DENND5B: variants seen among roughly 807,000 people sequenced by gnomAD.
The protein encoded by DENND5B is DENN domain containing 5B, also known as DENN domain-containing protein 5B.
A neutral mutation model predicts 140.6 loss-of-function variants in DENND5B; 34 were observed. That is an observed-to-expected ratio of 0.24 (90% CI 0.18 to 0.32). DENND5B has a LOEUF of 0.32. Among genes scored for constraint, DENND5B ranks in the 10% least tolerant of loss-of-function variants. DENND5B has a pLI of 1.00. For missense variants in DENND5B, 1,142 were observed against 1,560.2 expected (o/e 0.73, Z 4.52); for synonymous variants, 551 against 562.1 (o/e 0.98, Z 0.28).
Position 31,399,612 on chromosome 12 carries a change from C to A in DENND5B, c.3068+42G>T, listed in dbSNP as rs371689885. 9.8e-6 allele frequency: 15 copies of A among 1,522,974 alleles called. 1 individual carries two copies. The highest frequency in any genetic ancestry group is 1.3e-5 in the Non-Finnish European group (14 of 1,104,456). 94.3% of individuals were successfully genotyped at this position (1,522,974 alleles called of 1,614,324 possible). A position where few individuals can be genotyped will look rare whatever the true frequency, so the allele number is the denominator to read the frequency against. ...TTAAACCTTTTCTTACCTGAAGAGT[C>A]TTAAAACAAAGAATTCTGAGTTCCC... On this transcript the variant is annotated intron_variant, in intron 16 of 20. Transcript: ENST00000389082.
intron 1 of DENND5B, chr12:31,500,720 G>C (rs1234268883): frequency 2.4e-5 from 4 of 167,462 alleles, no homozygotes; most frequent in African/African-American, 4.9e-5. Flanking sequence ...CCCAACCACT[G>C]CATATTGATT....
At position 31,382,878 on chromosome 12, in the gene DENND5B, A is replaced by G. The variant is rs1239484116; in HGVS notation, c.*4725T>C. The G allele has an allele frequency of 6.6e-6, 1 of 152,182 alleles. No individual in the cohort carries two copies. Among genetic ancestry groups the G allele is most frequent in the East Asian group, 1.9e-4 (1 of 5,194 alleles). The allele number at this position is 152,182 out of a possible 1,614,324, so 9.4% of individuals were successfully genotyped here. A position where few individuals can be genotyped will look rare whatever the true frequency, so the allele number is the denominator to read the frequency against. ...AACCTCTTCAAAAAGCTTAGAATTCAGTTGATTCAAGGGATTTATAAATTT... is the reference window on the plus strand; with the variant it reads ...AACCTCTTCAAAAAGCTTAGAATTCGGTTGATTCAAGGGATTTATAAATTT... On this transcript the variant is annotated 3_prime_UTR_variant, in exon 21 of 21. Transcript: ENST00000389082.
intron 3 of DENND5B, among the ~76,000 whole-genome samples, chr12:31,468,235 C>T (rs1262576495): frequency 6.6e-6 from 1 of 152,130 alleles, no homozygotes; most frequent in Non-Finnish European, 1.5e-5. Flanking sequence ...GTCTGGGCAA[C>T]AGAGCAAGAC....
chr12:31,479,772 G>C lies in DENND5B; in HGVS notation c.721C>G (p.Pro241Ala). The change falls in exon 3 of 21, where the codon CCA (proline) becomes GCA (alanine). Residue 241 changes from proline to alanine, a missense_variant. By Grantham distance (27) the Pro-to-Ala change is conservative (BLOSUM62 -1). This residue lies in a region of DENND5B where 708 missense variants were observed against 905.5 expected (regional missense o/e 0.78). Transcript: ENST00000389082. ...NILYEVPLPP[P>A]GRSLKFYGVY... ...CCATAAAATTTCAGTGACCTCCCTG[G>C]AGGTGGAAGGGGTACTTCATAAAGA... The C allele has an allele frequency of 6.2e-7, 1 of 1,609,664 alleles. No homozygotes were observed. The highest frequency in any genetic ancestry group is 1.1e-5 in the South Asian group (1 of 90,178).
At chr12:31,389,960 CAT>C (rs1346816102) in intron 19 of DENND5B, among the ~76,000 whole-genome samples, 1 of 151,088 alleles carries the variant, frequency 6.6e-6, no homozygotes, top group African/African-American at 2.4e-5. Context: ...TGTATATACA[CAT>C]GAGAAGCAGA....
intron 3 of DENND5B, among the ~76,000 whole-genome samples, chr12:31,473,042 C>T (rs866608274): frequency 2.0e-5 from 3 of 152,132 alleles, no homozygotes; most frequent in African/African-American, 4.8e-5. Context: ...CAGGCTCAAG[C>T]GATCTCCCAC....
At chr12:31,438,242 G>C (rs1943865429) in intron 7 of DENND5B, among the ~76,000 whole-genome samples, 1 of 152,132 alleles carries the variant, frequency 6.6e-6, no homozygotes, top group Non-Finnish European at 1.5e-5. Context: ...CAAACTGCTG[G>C]GATTACAGGC....
intron 17 of DENND5B, among the ~76,000 whole-genome samples, chr12:31,395,762 A>T (rs2137321667): frequency 6.6e-6 from 1 of 152,182 alleles, no homozygotes; most frequent in East Asian, 1.9e-4. Flanking sequence ...GTTATAATCT[A>T]TAGATAAAAA....
chr12:31,405,727 T>G (rs1020673686), intron 14 of DENND5B, among the ~76,000 whole-genome samples: 14 of 151,956 alleles, frequency 9.2e-5, no homozygotes, highest in African/African-American at 3.4e-4. Flanking sequence ...TTTGTACTTT[T>G]AGCAGAGACG....
At chr12:31,578,126 CAAAAA>C (rs5797421) in intron 1 of DENND5B, among the ~76,000 whole-genome samples, 3 of 77,354 alleles carry the variant, frequency 3.9e-5, no homozygotes, top group African/African-American at 1.0e-4. Context: ...GACGCTGTCT[CAAAAA>C]AAAAAAAAAA....
Position 31,479,935 on chromosome 12 carries a change from C to T in DENND5B, c.558G>A (p.Leu186=), listed in dbSNP as rs1209790773. The T allele has an allele frequency of 6.2e-7, 1 of 1,613,966 alleles. No homozygotes were observed. The highest frequency in any genetic ancestry group is 1.7e-5 in the Admixed American group (1 of 60,024). The change falls in exon 3 of 21, where the codon CTG becomes CTA. Residue 186 remains leucine, a synonymous_variant. Coordinates refer to ENST00000389082, the MANE Select transcript of DENND5B (RefSeq NM_144973.4). ...TCAAGCATATACTTTTTGAAACATACAGGGTGTCTCTGCTAATATCATAGG... is the reference window on the plus strand; with the variant it reads ...TCAAGCATATACTTTTTGAAACATATAGGGTGTCTCTGCTAATATCATAGG... ...YNSYDISRDT[L]YVSKSICLIT...
At chr12:31,483,098 T>C (rs1443161848) in intron 2 of DENND5B, among the ~76,000 whole-genome samples, 1 of 152,186 alleles carries the variant, frequency 6.6e-6, no homozygotes, top group African/African-American at 2.4e-5. Flanking sequence ...TTTCTTCCCC[T>C]TGGTATCCAC....
intron 11 of DENND5B, among the ~76,000 whole-genome samples, chr12:31,422,385 G>T (rs61930275): frequency 2.0e-5 from 3 of 151,204 alleles, no homozygotes; most frequent in African/African-American, 7.3e-5. Context: ...AGCCGAGATC[G>T]CGCCACTGCA....
At chr12:31,537,628 A>G (rs913939717) in intron 1 of DENND5B, among the ~76,000 whole-genome samples, 23 of 152,172 alleles carry the variant, frequency 1.5e-4, no homozygotes, top group African/African-American at 5.5e-4. Context: ...CATCAATAAC[A>G]ACACTGAATG....
Position 31,452,336 on chromosome 12 carries a change from T to G in DENND5B, c.1233A>C (p.Leu411=). 3.1e-6 allele frequency: 5 copies of G among 1,614,000 alleles called. No homozygotes were observed. The highest frequency in any genetic ancestry group is 4.2e-6 in the Non-Finnish European group (5 of 1,179,888). The change falls in exon 5 of 21, where the codon CTA becomes CTC. Residue 411 remains leucine, a synonymous_variant. Coordinates refer to ENST00000389082, the MANE Select transcript of DENND5B (RefSeq NM_144973.4). ...VQFGIPPEGS[L]HCSESTSKLK... is the part of the protein sequence containing the mutation. ...GTTTGCTGGTACTCTCACTGCAATG[T>G]AGGCTGCCCTCAGGAGGGATCCCAA...
intron 7 of DENND5B, among the ~76,000 whole-genome samples, chr12:31,439,190 T>A (rs1593168096): frequency 6.6e-6 from 1 of 152,344 alleles, no homozygotes; most frequent in South Asian, 2.1e-4. Flanking sequence ...TTCTGTCTTG[T>A]AAACAGCATA....
chr12:31,508,210 A>C (rs1200555575), intron 1 of DENND5B, among the ~76,000 whole-genome samples: 1 of 152,160 alleles, frequency 6.6e-6, no homozygotes, highest in Non-Finnish European at 1.5e-5. Context: ...TGACTCAAAG[A>C]AGCAGTCATT....
At chr12:31,517,417 G>A (rs1247834760) in intron 1 of DENND5B, among the ~76,000 whole-genome samples, 3 of 152,230 alleles carry the variant, frequency 2.0e-5, no homozygotes, top group African/African-American at 4.8e-5. Context: ...GCTGTTTGCT[G>A]CCTTTGTCTT....
intron 9 of DENND5B, 91 bp downstream of exon 9, chr12:31,426,202 T>C: frequency 1.4e-6 from 2 of 1,415,246 alleles, no homozygotes; most frequent in Non-Finnish European, 1.9e-6. Flanking sequence ...CAAAATTACA[T>C]GCTTAAATGG....
Sources: allele counts gnomAD v4.1 joint callset (sites outside exome capture counted in the v4.1 genomes callset), GRCh38; gene constraint gnomAD v4.1.1; regional missense constraint gnomAD v4.1.1; transcripts MANE v1.5; gene names NCBI Gene and HGNC (gene_info 2026-07-23, HGNC 2026-07-21).